The following KAZN variants were observed in gnomAD, a reference collection of about 807,000 sequenced individuals.
KAZN encodes the protein kazrin, periplakin interacting protein.
Under a neutral mutation model 87.4 loss-of-function variants are expected in KAZN, and 40 were observed. The observed-to-expected ratio is 0.46, with a 90% CI of 0.36 to 0.60. KAZN has a LOEUF of 0.60. Among genes scored for constraint, KAZN ranks in the 20% least tolerant of loss-of-function variants. KAZN has a pLI of 0.00. For missense variants in KAZN, 898 were observed against 1,073.9 expected (o/e 0.84, Z 2.29); for synonymous variants, 466 against 458.3 (o/e 1.02, Z -0.22).
chr1:14,737,465 A>C (rs1421762485), intron 1 of KAZN, among the ~76,000 whole-genome samples: 1 of 152,202 alleles, frequency 6.6e-6, no homozygotes, highest in African/African-American at 2.4e-5. Context: ...CAAGGCTCTA[A>C]GGGGAGAGGG....
At chr1:14,973,722 G>C (rs1313304454) in intron 2 of KAZN, among the ~76,000 whole-genome samples, 1 of 152,122 alleles carries the variant, frequency 6.6e-6, no homozygotes, top group African/African-American at 2.4e-5. Context: ...AGAAGAAAAG[G>C]GGGGTGGTAC....
chr1:14,797,734 T>C (rs1645873325), intron 1 of KAZN, among the ~76,000 whole-genome samples: 1 of 152,190 alleles, frequency 6.6e-6, no homozygotes, highest in East Asian at 1.9e-4. Flanking sequence ...TTGGACTAGT[T>C]ACGGGGCCCC....
intron 1 of KAZN, among the ~76,000 whole-genome samples, chr1:14,146,617 G>T (rs1018978430): frequency 6.7e-6 from 1 of 150,144 alleles, no homozygotes; most frequent in East Asian, 1.9e-4. Context: ...CCTTGCAGGT[G>T]CAAAAAGACC....
At chr1:14,614,661 G>A (rs184679007) in intron 1 of KAZN, among the ~76,000 whole-genome samples, 2 of 152,332 alleles carry the variant, frequency 1.3e-5, no homozygotes, top group East Asian at 3.9e-4. Context: ...ATGGTGTTTT[G>A]CTTTCAAGAT....
intron 1 of KAZN, among the ~76,000 whole-genome samples, chr1:14,121,825 G>C (rs368959852): frequency 1.3e-5 from 2 of 152,338 alleles, no homozygotes. Context: ...GCCTCTTTGA[G>C]AAGATGACTT....
chr1:13,961,270 A>G (rs1248023279), intron 1 of KAZN, among the ~76,000 whole-genome samples: 2 of 152,242 alleles, frequency 1.3e-5, no homozygotes, highest in Admixed American at 6.5e-5. Flanking sequence ...CACTCAAAGA[A>G]TAAACCATAA....
At chr1:14,894,748 G>T (rs1655081793) in intron 1 of KAZN, among the ~76,000 whole-genome samples, 1 of 152,260 alleles carries the variant, frequency 6.6e-6, no homozygotes, top group African/African-American at 2.4e-5. Flanking sequence ...GTGAATGGAT[G>T]AATGAATGAA....
intron 1 of KAZN, among the ~76,000 whole-genome samples, chr1:13,910,895 A>G (rs1639630654): frequency 6.6e-6 from 1 of 152,006 alleles, no homozygotes; most frequent in African/African-American, 2.4e-5. Context: ...ATTGGCTCAC[A>G]ATTCTGTAGG....
At chr1:13,928,421 C>G (rs1349714156) in intron 1 of KAZN, among the ~76,000 whole-genome samples, 1 of 152,118 alleles carries the variant, frequency 6.6e-6, no homozygotes, top group African/African-American at 2.4e-5. Context: ...TTTTTCTTTT[C>G]TTATTGTTCT....
intron 1 of KAZN, among the ~76,000 whole-genome samples, chr1:14,173,145 A>G (rs2100270407): frequency 6.6e-6 from 1 of 152,250 alleles, no homozygotes; most frequent in Non-Finnish European, 1.5e-5. Context: ...AGTAGCAAAA[A>G]ATTTAAGATT....
intron 3 of KAZN, among the ~76,000 whole-genome samples, chr1:15,036,010 G>C (rs1002111312): frequency 6.6e-6 from 1 of 152,070 alleles, no homozygotes; most frequent in East Asian, 1.9e-4. Flanking sequence ...TTTGAATCTA[G>C]ATGCTTGGTC....
At chr1:14,282,397 A>G (rs1343149323) in intron 2 of KAZN, among the ~76,000 whole-genome samples, 2 of 152,228 alleles carry the variant, frequency 1.3e-5, no homozygotes, top group Non-Finnish European at 2.9e-5. Context: ...ACTAATACTT[A>G]TTCCTGAGAA....
intron 2 of KAZN, among the ~76,000 whole-genome samples, chr1:14,497,120 A>G (rs1369215035): frequency 6.6e-6 from 1 of 152,194 alleles, no homozygotes; most frequent in Non-Finnish European, 1.5e-5. Context: ...CATGCACAAA[A>G]GAGGTACAGA....
At chr1:14,155,805 A>G (rs1645580682) in intron 1 of KAZN, among the ~76,000 whole-genome samples, 1 of 152,046 alleles carries the variant, frequency 6.6e-6, no homozygotes, top group African/African-American at 2.4e-5. Flanking sequence ...ATACACCACC[A>G]TGTCCAGTTA....
intron 1 of KAZN, among the ~76,000 whole-genome samples, chr1:14,822,947 G>A (rs1035589721): frequency 5.9e-5 from 9 of 152,176 alleles, no homozygotes; most frequent in Admixed American, 2.0e-4. Flanking sequence ...GTCAGGTGCC[G>A]AGTGGATCAC....
intron 2 of KAZN, among the ~76,000 whole-genome samples, chr1:14,514,484 A>AATATATATGTAAAATATATAAAAT (rs1553182515): frequency 5.0e-5 from 4 of 80,180 alleles, no homozygotes; most frequent in East Asian, 3.5e-4. Context: ...ATTTTATATA[A>AATATATATGTAAAATATATAAAAT]ATATTTATAT....
intron 2 of KAZN, among the ~76,000 whole-genome samples, chr1:14,528,005 A>G (rs1671985373): frequency 8.4e-6 from 1 of 118,350 alleles, no homozygotes; most frequent in South Asian, 2.8e-4. Flanking sequence ...AATCCTATCT[A>G]TCTATCTATC....
intron 2 of KAZN, among the ~76,000 whole-genome samples, chr1:14,257,935 G>A (rs1557598576): frequency 4.2e-5 from 2 of 48,074 alleles, no homozygotes; most frequent in Non-Finnish European, 7.0e-5. Context: ...CTAAAACTTA[G>A]AGTATAATAA....
intron 1 of KAZN, among the ~76,000 whole-genome samples, chr1:14,927,902 G>T (rs917835208): frequency 6.6e-6 from 1 of 152,116 alleles, no homozygotes; most frequent in Admixed American, 6.5e-5. Context: ...TTTGTGTACC[G>T]GCTCCCAGCA....
Sources: allele counts gnomAD v4.1 joint callset (sites outside exome capture counted in the v4.1 genomes callset), GRCh38; gene constraint gnomAD v4.1.1; transcripts MANE v1.5; gene names NCBI Gene and HGNC (gene_info 2026-07-23, HGNC 2026-07-21).